The following LIMCH1 variants were observed in gnomAD, a reference collection of about 807,000 sequenced individuals.
LIMCH1 encodes the protein LIM and calponin homology domains 1, also known as LIM and calponin homology domains-containing protein 1.
LIMCH1 carries 113 observed loss-of-function variants against 176.5 expected under a neutral mutation model. The ratio of observed to expected loss-of-function variants is 0.64; its 90% CI spans 0.55 to 0.75. The LOEUF is 0.75. LIMCH1 is among the 30% of genes least tolerant of loss of function. LIMCH1 has a pLI of 0.00. For synonymous variants in LIMCH1, 619 were observed against 645.9 expected (o/e 0.96, Z 0.63); for missense variants, 1,674 against 1,814.9 (o/e 0.92, Z 1.41).
intron 23 of LIMCH1, among the ~76,000 whole-genome samples, chr4:41,679,279 A>G (rs1713668815): frequency 6.6e-6 from 1 of 152,120 alleles, no homozygotes; most frequent in African/African-American, 2.4e-5. Flanking sequence ...ATTAATTTTA[A>G]TCCCCATTTA....
At chr4:41,590,485 G>A (rs1025587325) in intron 1 of LIMCH1, among the ~76,000 whole-genome samples, 2 of 152,002 alleles carry the variant, frequency 1.3e-5, no homozygotes, top group Non-Finnish European at 2.9e-5. Context: ...TAGGATCCCA[G>A]GACTCCTGTT....
chr4:41,672,885 T>G (rs2095098491), intron 22 of LIMCH1, among the ~76,000 whole-genome samples: 1 of 152,226 alleles, frequency 6.6e-6, no homozygotes. Flanking sequence ...TCTCTGACCC[T>G]CATCTTCCTT....
chr4:41,516,903 G>T (rs2075637777), intron 2 of LIMCH1, among the ~76,000 whole-genome samples: 1 of 152,210 alleles, frequency 6.6e-6, no homozygotes, highest in Non-Finnish European at 1.5e-5. Context: ...TCTGGAACAG[G>T]ATTTTCTTGG....
In LIMCH1 at chr4:41,465,954, C is replaced by CTTTTTTTTTTTTTTTTTTTTTTT. The variant is rs34784602; in HGVS notation, c.97-28560_97-28559insTTTTTTTTTTTTTTTTTTTTTTT. ...AGCCTAAGAGATTTACTGTTTGGCT[C>CTTTTTTTTTTTTTTTTTTTTTTT]TTTTTTTTTTTTTTTTTTTTTTGAG... On this transcript the variant is annotated intron_variant, in intron 1 of 26. Coordinates refer to the LIMCH1 transcript ENST00000313860. Among the ~76,000 whole-genome samples the CTTTTTTTTTTTTTTTTTTTTTTT allele has an allele frequency of 2.8e-5, 3 of 108,288 alleles. 1 individual carries two copies. The highest frequency in any genetic ancestry group is 7.7e-5 in the African/African-American group (2 of 26,030). 71.0% of individuals were successfully genotyped at this position (108,288 alleles called of 152,430 possible). A position where few individuals can be genotyped will look rare whatever the true frequency, so the allele number is the denominator to read the frequency against.
chr4:41,643,226 G>A (rs1242045931), intron 14 of LIMCH1, among the ~76,000 whole-genome samples: 1 of 152,142 alleles, frequency 6.6e-6, no homozygotes, highest in Non-Finnish European at 1.5e-5. Context: ...TGCATTCGGC[G>A]ATGCTGCTGC....
At chr4:41,571,860 G>C (rs1015339065) in intron 1 of LIMCH1, among the ~76,000 whole-genome samples, 3 of 152,138 alleles carry the variant, frequency 2.0e-5, no homozygotes, top group African/African-American at 4.8e-5. Context: ...GAAAACCATT[G>C]CCACCTCAGA....
chr4:41,397,572 A>G (rs546553920), intron 1 of LIMCH1, among the ~76,000 whole-genome samples: 3 of 152,244 alleles, frequency 2.0e-5, no homozygotes, highest in South Asian at 4.1e-4. Flanking sequence ...CCTTGTTAAC[A>G]TCTGGAGTTT....
In LIMCH1 at chr4:41,596,117, T is replaced by C. The variant is rs113755286; in HGVS notation, c.-240-2803T>C. On this transcript the variant is annotated intron_variant, in intron 1 of 31. Coordinates refer to ENST00000503057, the MANE Select transcript of LIMCH1 (RefSeq NM_001330672.2). ...CATATTGACAAAGTATTTTTCCACT[T>C]TTCAGCAATACTTTATTGTACTAAT... 2.4e-4 allele frequency among the ~76,000 whole-genome samples: 37 copies of C among 151,800 alleles called. 1 individual carries two copies. Among genetic ancestry groups the C allele is most frequent in the African/African-American group, 8.5e-4 (35 of 41,070 alleles).
intron 18 of LIMCH1, 87 bp from the exon 19 acceptor site, chr4:41,661,333 T>C: frequency 1.1e-6 from 1 of 919,808 alleles, no homozygotes; most frequent in South Asian, 1.5e-5. Context: ...AACCACTTTG[T>C]TGACCTAAAA....
At chr4:41,437,768 G>C (rs1309804912) in intron 1 of LIMCH1, among the ~76,000 whole-genome samples, 1 of 152,056 alleles carries the variant, frequency 6.6e-6, no homozygotes, top group African/African-American at 2.4e-5. Context: ...TTCTTCTCCT[G>C]GGCATCTTCT....
chr4:41,517,963 A>G (rs2152389259), intron 2 of LIMCH1, among the ~76,000 whole-genome samples: 1 of 152,276 alleles, frequency 6.6e-6, no homozygotes, highest in African/African-American at 2.4e-5. Flanking sequence ...TTGCAGCTGT[A>G]CAAACCAAGC....
intron 3 of LIMCH1, among the ~76,000 whole-genome samples, chr4:41,525,246 G>A (rs1017349104): frequency 5.3e-5 from 8 of 152,158 alleles, no homozygotes; most frequent in Non-Finnish European, 8.8e-5. Flanking sequence ...GCACACGCGC[G>A]CGCACACACA....
At chr4:41,684,200 G>T (rs1718669237) in intron 26 of LIMCH1, among the ~76,000 whole-genome samples, 197 bp from the exon 27 acceptor site, 1 of 152,268 alleles carries the variant, frequency 6.6e-6, no homozygotes, top group East Asian at 1.9e-4. Flanking sequence ...ATAGTTTGTT[G>T]AGCTTGTTAA....
intron 2 of LIMCH1, among the ~76,000 whole-genome samples, chr4:41,601,565 CAT>C (rs2089932389): frequency 6.6e-6 from 1 of 152,126 alleles, no homozygotes; most frequent in African/African-American, 2.4e-5. Context: ...TGTGTAAGGA[CAT>C]GTGTGGTGGG....
intron 4 of LIMCH1, among the ~76,000 whole-genome samples, chr4:41,607,112 T>C (rs1426942371): frequency 6.6e-6 from 1 of 152,228 alleles, no homozygotes; most frequent in Non-Finnish European, 1.5e-5. Flanking sequence ...CCAGGCATTT[T>C]GGATAAAGTC....
chr4:41,692,586 C>G, intron 31 of LIMCH1: 1 of 495,126 alleles, frequency 2.0e-6, no homozygotes, highest in Non-Finnish European at 3.7e-6. Flanking sequence ...TGGACCAATT[C>G]TTTTTATCCT....
intron 1 of LIMCH1, among the ~76,000 whole-genome samples, chr4:41,380,806 A>G (rs2055547629): frequency 6.6e-6 from 1 of 152,218 alleles, no homozygotes; most frequent in African/African-American, 2.4e-5. Context: ...CAGGGAATAC[A>G]GTTATATTCT....
chr4:41,472,080 T>G (rs1172310975), intron 1 of LIMCH1, among the ~76,000 whole-genome samples: 5 of 152,258 alleles, frequency 3.3e-5, no homozygotes, highest in African/African-American at 1.2e-4. Context: ...GTAGGTAGTG[T>G]TGTGTGGGTA....
chr4:41,572,554 G>A (rs1276031654), intron 1 of LIMCH1, among the ~76,000 whole-genome samples: 3 of 152,134 alleles, frequency 2.0e-5, no homozygotes, highest in African/African-American at 7.2e-5. Context: ...GCAGAAAAAA[G>A]CAAGGCTCTT....
Sources: gnomAD v4.1 joint callset for allele counts (sites outside exome capture counted in the v4.1 genomes callset) on GRCh38, gnomAD v4.1.1 for gene constraint, MANE v1.5 for transcripts, NCBI Gene and HGNC (gene_info 2026-07-23, HGNC 2026-07-21) for gene names.